EFHC1: variants seen among roughly 807,000 people sequenced by gnomAD.
The protein encoded by EFHC1 is EF-hand domain containing 1, also known as EF-hand domain-containing protein 1.
In EFHC1, 53 loss-of-function variants were observed where a neutral mutation model predicts 69.9. That is an observed-to-expected ratio of 0.76 (90% confidence interval 0.61 to 0.95). The LOEUF is 0.95. EFHC1 is among the 40% of genes least tolerant of loss of function. The pLI is 0.00. For missense variants in EFHC1, 739 were observed against 798.7 expected (o/e 0.93, Z 0.90); for synonymous variants, 256 against 278.4 (o/e 0.92, Z 0.80).
intron 10 of EFHC1, 81 bp downstream of exon 10, chr6:52,490,431 T>G (rs1765875270): frequency 7.2e-6 from 9 of 1,248,258 alleles, no homozygotes; most frequent in Non-Finnish European, 1.1e-5. Context: ...GTGTGTGTAT[T>G]TCACTACAAC....
At chr6:52,462,730 A>T (rs1261849944) in intron 5 of EFHC1, among the ~76,000 whole-genome samples, 2 of 152,162 alleles carry the variant, frequency 1.3e-5, no homozygotes, top group East Asian at 3.9e-4. Context: ...TCTACTAAAA[A>T]TGCAAAAATT....
intron 5 of EFHC1, among the ~76,000 whole-genome samples, chr6:52,463,619 A>G (rs1295417631): frequency 6.6e-6 from 1 of 152,244 alleles, no homozygotes; most frequent in East Asian, 1.9e-4. Context: ...GATATGTGCA[A>G]AAATCCTAAA....
chr6:52,451,082 G>A (rs1244467706), intron 3 of EFHC1, among the ~76,000 whole-genome samples: 1 of 152,210 alleles, frequency 6.6e-6, no homozygotes, highest in African/African-American at 2.4e-5. Flanking sequence ...TTACAGGCAT[G>A]AGCCACCATG....
intron 9 of EFHC1, 75 bp downstream of exon 9, chr6:52,479,862 T>TC (rs1353792945): frequency 2.0e-5 from 31 of 1,586,330 alleles, no homozygotes; most frequent in Non-Finnish European, 2.7e-5. Context: ...AAATGAGTAA[T>TC]CACATTTTAG....
intron 7 of EFHC1, among the ~76,000 whole-genome samples, chr6:52,470,252 A>G (rs534129436): frequency 6.6e-6 from 1 of 152,322 alleles, no homozygotes; most frequent in Non-Finnish European, 1.5e-5. Flanking sequence ...GCTTTAAATA[A>G]AAAGAGAGTT....
At chr6:52,483,273 T>C (rs949616651) in intron 9 of EFHC1, 4 of 156,034 alleles carry the variant, frequency 2.6e-5, no homozygotes, top group African/African-American at 9.6e-5. Context: ...TCGAAATTCA[T>C]GCATCTTGTA....
rs1450966936 is a variant in EFHC1 at position 52,494,107 on chromosome 6, T to C, written c.*1766T>C. 2.2e-6 allele frequency: 1 copy of C among 454,106 alleles called. No homozygotes were observed. Among genetic ancestry groups the C allele is most frequent in the South Asian group, 1.6e-5 (1 of 64,472 alleles). The allele number at this position is 454,106 out of a possible 1,614,324, so 28.1% of individuals were successfully genotyped here. A position where few individuals can be genotyped will look rare whatever the true frequency, so the allele number is the denominator to read the frequency against. On this transcript the variant is annotated 3_prime_UTR_variant, in exon 11 of 11. Transcript: ENST00000371068. ...CAGTATCTCTTTCAAGTACAGATGC[T>C]CCTCTACTTATGGGGCTATGTCTCA...
chr6:52,479,164 G>A lies in EFHC1; in HGVS notation c.1406G>A (p.Arg469Lys), dbSNP rs759536227. Reference protein sequence around the residue: ...SGIIGGKYLGRTKVVKPYSTV... With the variant: ...SGIIGGKYLGKTKVVKPYSTV... ...ATCATTGGGGGCAAGTACCTTGGCA[G>A]GACTAAAGTTGTTAAACCATACTCT... The change falls in exon 8 of 11, where the codon AGG becomes AAG. Residue 469 changes from arginine (R) to lysine (K), a missense_variant. By Grantham distance (26) the Arg-to-Lys change is conservative. Coordinates refer to ENST00000371068, the MANE Select transcript of EFHC1 (RefSeq NM_018100.4). The A allele has an allele frequency of 4.3e-6, 7 of 1,614,006 alleles. No individual in the cohort carries two copies. The highest frequency in any genetic ancestry group is 2.7e-5 in the African/African-American group (2 of 74,916).
At chr6:52,432,200 G>C (rs956162620) in intron 2 of EFHC1, among the ~76,000 whole-genome samples, 1 of 152,128 alleles carries the variant, frequency 6.6e-6, no homozygotes, top group African/African-American at 2.4e-5. Flanking sequence ...TTCAACATTA[G>C]TATTAAGATG....
At chr6:52,462,802 T>C (rs1224180207) in intron 5 of EFHC1, among the ~76,000 whole-genome samples, 2 of 150,212 alleles carry the variant, frequency 1.3e-5, no homozygotes, top group African/African-American at 4.9e-5. Context: ...GCAGGAGAAT[T>C]GCTTGAACCT....
intron 3 of EFHC1, among the ~76,000 whole-genome samples, chr6:52,443,839 C>A (rs1764721081): frequency 6.6e-6 from 1 of 152,148 alleles, no homozygotes; most frequent in African/African-American, 2.4e-5. Flanking sequence ...TCATTGGTAG[C>A]TTGATGGGGA....
intron 7 of EFHC1, among the ~76,000 whole-genome samples, chr6:52,473,727 A>G (rs113451484): frequency 0.043 from 6,507 of 152,138 alleles, 186 homozygotes; most frequent in South Asian, 0.092. Flanking sequence ...GGTTGCAGTG[A>G]GCCGAGACTG....
intron 9 of EFHC1, chr6:52,482,951 T>C: frequency 2.5e-6 from 1 of 398,022 alleles, no homozygotes; most frequent in South Asian, 1.3e-4. Flanking sequence ...AATTCTCTCT[T>C]TTGATTTTCC....
intron 7 of EFHC1, among the ~76,000 whole-genome samples, chr6:52,476,654 G>T (rs114331536): frequency 2.0e-5 from 3 of 152,068 alleles, no homozygotes; most frequent in South Asian, 4.1e-4. Flanking sequence ...GGTTACTTTT[G>T]CCAAAAATGC....
intron 5 of EFHC1, 109 bp from the exon 6 acceptor site, chr6:52,464,786 A>G: frequency 1.1e-6 from 1 of 906,926 alleles, no homozygotes; most frequent in Non-Finnish European, 1.8e-6. Context: ...TGACCAGAGC[A>G]AAAGACTGCA....
chr6:52,452,769 C>A lies in EFHC1; in HGVS notation c.655C>A (p.Pro219Thr), dbSNP rs777569080. The A allele has an allele frequency of 6.2e-7, 1 of 1,614,162 alleles. No homozygotes were observed. Among genetic ancestry groups the A allele is most frequent in the Non-Finnish European group, 8.5e-7 (1 of 1,180,026 alleles). The change falls in exon 4 of 11, where the codon CCT becomes ACT. Residue 219 changes from proline to threonine, a missense_variant. By Grantham distance (38) the Pro-to-Thr change is conservative. Coordinates refer to ENST00000371068, the MANE Select transcript of EFHC1 (RefSeq NM_018100.4). ...LDPYTELRKQPLRKYVTPSDF... is the reference protein window; with the variant it reads ...LDPYTELRKQTLRKYVTPSDF... The stretch of plus-strand genomic sequence containing the variant: ...TCCTTACACTGAACTCCGAAAACAG[C>A]CTCTTCGTAAGTATGTCACCCCATC...
chr6:52,440,064 A>C (rs1280005237), intron 3 of EFHC1, among the ~76,000 whole-genome samples: 1 of 152,118 alleles, frequency 6.6e-6, no homozygotes, highest in African/African-American at 2.4e-5. Flanking sequence ...GACCTAATCT[A>C]TTTATAGTCG....
intron 2 of EFHC1, among the ~76,000 whole-genome samples, chr6:52,428,881 C>T (rs1359705801): frequency 6.6e-6 from 1 of 152,170 alleles, no homozygotes; most frequent in Non-Finnish European, 1.5e-5. Flanking sequence ...TGATTATGGC[C>T]ATTCTTGCAG....
At chr6:52,490,797 G>A (rs1438395164) in intron 10 of EFHC1, 2 of 207,332 alleles carry the variant, frequency 9.6e-6, no homozygotes, top group African/African-American at 2.3e-5. Context: ...TCTGTCAGTA[G>A]TGGTAGCATG....
Sources: allele counts gnomAD v4.1 joint callset (sites outside exome capture counted in the v4.1 genomes callset), GRCh38; gene constraint gnomAD v4.1.1; transcripts MANE v1.5; gene names NCBI Gene and HGNC (gene_info 2026-07-23, HGNC 2026-07-21).